PTPA: variants seen among roughly 807,000 people sequenced by gnomAD.
The protein encoded by PTPA is serine/threonine-protein phosphatase 2A activator.
PTPA carries 13 observed loss-of-function variants against 43.6 expected under a neutral mutation model. That is an observed-to-expected ratio of 0.30 (90% CI 0.19 to 0.47). The LOEUF (loss-of-function observed/expected upper bound fraction) is 0.47. Among genes scored for constraint, PTPA ranks in the 20% least tolerant of loss-of-function variants. The probability of loss-of-function intolerance (pLI) is 0.99; values close to 1 mark genes in which losing one functional copy is unlikely to be tolerated. For synonymous variants in PTPA, 172 were observed against 158.2 expected (o/e 1.09, Z -0.66); for missense variants, 329 against 411.9 (o/e 0.80, Z 1.74).
In PTPA at chr9:129,147,597, C is replaced by A; in HGVS notation, c.*133C>A. 1 of 990,062 alleles carries A rather than the reference C, an allele frequency of 1.0e-6. No homozygotes were observed. Among genetic ancestry groups the A allele is most frequent in the Non-Finnish European group, 1.5e-6 (1 of 668,264 alleles). The allele number at this position is 990,062 out of a possible 1,614,324, so 61.3% of individuals were successfully genotyped here. ...GAGGCTGTTTACTGGGGTGGGGTGG[C>A]GAGATGGGCTTGAGGGGGCTCAGAG... On this transcript the variant is annotated 3_prime_UTR_variant, in exon 10 of 10. Coordinates refer to ENST00000393370, the MANE Select transcript of PTPA (RefSeq NM_178000.3).
At chr9:129,142,408 G>A (rs774700009) in intron 8 of PTPA, 37 bp from the exon 9 acceptor site, 1 of 1,536,708 alleles carries the variant, frequency 6.5e-7, no homozygotes, top group South Asian at 1.3e-5. Context: ...CTCCCAGCCA[G>A]AACCTGTCTC....
rs377239286 is a variant in PTPA, at chr9:129,147,468, G to T, written c.*4G>T. ...CCATCCTGTCACGTCGGGCTAGGAG[G>T]GGCCAAGCCGAAGAGCCACCCAGGC... On this transcript the variant is annotated 3_prime_UTR_variant, in exon 10 of 10. Transcript: ENST00000393370. 23 of 1,613,362 alleles carry T rather than the reference G, an allele frequency of 1.4e-5. No individual in the cohort carries two copies. Among genetic ancestry groups the T allele is most frequent in the Middle Eastern group, 1.7e-4 (1 of 5,888 alleles).
Position 129,147,986 on chromosome 9 carries a change from TG to T in PTPA, c.*526del, listed in dbSNP as rs1365630408. 6.4e-4 allele frequency: 3 copies of T among 4,658 alleles called. No homozygotes were observed. In the East Asian group the frequency reaches 0.011, roughly 18 times the overall value. 0.3% of individuals were successfully genotyped at this position (4,658 alleles called of 1,614,324 possible). ...CTGAGGCTGGCCGCCAGCTGTGGGC[TG>T]GGGTGGGGTGGGTGGGGTCGGGTGG... On this transcript the variant is annotated 3_prime_UTR_variant, in exon 10 of 10. Coordinates refer to ENST00000393370, the MANE Select transcript of PTPA (RefSeq NM_178000.3).
intron 9 of PTPA, chr9:129,142,831 T>C: frequency 1.3e-6 from 2 of 1,532,292 alleles, no homozygotes; most frequent in Non-Finnish European, 1.7e-6. Flanking sequence ...GCATGGGGAG[T>C]GGGGGCGATG....
intron 6 of PTPA, among the ~76,000 whole-genome samples, chr9:129,135,664 G>C (rs772970378): frequency 9.2e-5 from 14 of 152,256 alleles, no homozygotes; most frequent in Non-Finnish European, 1.6e-4. Context: ...CACTGATGTG[G>C]ATCAGTTACC....
chr9:129,146,492 G>C (rs901127529), intron 9 of PTPA, among the ~76,000 whole-genome samples: 1 of 152,208 alleles, frequency 6.6e-6, no homozygotes, highest in African/African-American at 2.4e-5. Flanking sequence ...TACTCTCTCT[G>C]AGGCCATAAG....
intron 1 of PTPA, 74 bp from the exon 2 acceptor site, chr9:129,120,439 A>AG: frequency 2.2e-6 from 2 of 928,458 alleles, no homozygotes; most frequent in Non-Finnish European, 3.2e-6. Flanking sequence ...AAAAAAAAAA[A>AG]GGTGAAAGGG....
chr9:129,140,557 G>T lies in PTPA; in HGVS notation c.787-1888G>T, dbSNP rs1203136820. 2.0e-5 allele frequency among the ~76,000 whole-genome samples: 3 copies of T among 152,222 alleles called. No individual in the cohort carries two copies. The East Asian group carries it at 5.8e-4, about 29-fold the overall frequency. ...TCTTTGGCCCTGGTAGGCGAGGCTGGCCAGGAGGCAGGGGCTCTTGTCTTC... is the reference window on the plus strand; with the variant it reads ...TCTTTGGCCCTGGTAGGCGAGGCTGTCCAGGAGGCAGGGGCTCTTGTCTTC... On this transcript the variant is annotated intron_variant, in intron 8 of 9. Coordinates refer to ENST00000393370, the MANE Select transcript of PTPA (RefSeq NM_178000.3).
intron 3 of PTPA, among the ~76,000 whole-genome samples, chr9:129,124,871 A>G (rs956372820): frequency 1.3e-5 from 2 of 152,174 alleles, no homozygotes; most frequent in Admixed American, 1.3e-4. Flanking sequence ...CCTCACCCTC[A>G]TACCCGGCCC....
chr9:129,112,846 CAGG>C (rs1457848970), intron 1 of PTPA, among the ~76,000 whole-genome samples: 1 of 151,998 alleles, frequency 6.6e-6, no homozygotes, highest in Non-Finnish European at 1.5e-5. Context: ...GAGGATGAGG[CAGG>C]AGAATCGCTT....
intron 8 of PTPA, among the ~76,000 whole-genome samples, chr9:129,138,286 C>T (rs1185574556): frequency 1.3e-5 from 2 of 152,170 alleles, no homozygotes; most frequent in African/African-American, 4.8e-5. Context: ...CTCACCAAGG[C>T]AGGATTCCTT....
At chr9:129,147,109 T>G (rs941412797) in intron 9 of PTPA, among the ~76,000 whole-genome samples, 1 of 152,140 alleles carries the variant, frequency 6.6e-6, no homozygotes, top group Non-Finnish European at 1.5e-5. Context: ...AACTTCCCTC[T>G]CTGGGCCAAG....
chr9:129,118,522 C>T (rs530614062), intron 1 of PTPA, among the ~76,000 whole-genome samples: 38 of 152,124 alleles, frequency 2.5e-4, no homozygotes, highest in African/African-American at 8.7e-4. Flanking sequence ...TATAGGCATG[C>T]GCCACCACAC....
chr9:129,142,335 CGTTTGTGTGT>C, intron 8 of PTPA, 100 bp from the exon 9 acceptor site: 2 of 833,806 alleles, frequency 2.4e-6, no homozygotes, highest in Non-Finnish European at 3.6e-6. Context: ...TGTGCGTGTG[CGTTTGTGTGT>C]GTGTGTGTGT....
intron 1 of PTPA, among the ~76,000 whole-genome samples, chr9:129,115,797 G>A (rs1195438368): frequency 1.1e-4 from 16 of 151,212 alleles, no homozygotes; most frequent in Admixed American, 1.1e-3. Context: ...CCACCACCAC[G>A]CCTGGCTAAT....
chr9:129,132,285 A>C (rs1031838473), intron 5 of PTPA, among the ~76,000 whole-genome samples: 1 of 152,140 alleles, frequency 6.6e-6, no homozygotes, highest in Non-Finnish European at 1.5e-5. Context: ...GCAACGTAGC[A>C]AGACTCCATC....
intron 1 of PTPA, among the ~76,000 whole-genome samples, chr9:129,117,009 T>G (rs1848920898): frequency 6.6e-6 from 1 of 152,138 alleles, no homozygotes; most frequent in Admixed American, 6.6e-5. Context: ...TTCCATTATG[T>G]GGGCATATAA....
At chr9:129,110,995 C>A (rs1466389788), upstream of PTPA, 1 of 1,371,322 alleles carries the variant, frequency 7.3e-7, no homozygotes, top group African/African-American at 1.5e-5. The surrounding 1 kb of genome is among the most constrained non-coding windows in gnomAD (Gnocchi z 5.3). Flanking sequence ...GTCCAGCTGT[C>A]TCTCCCCTGT....
chr9:129,123,572 A>G (rs1047670479), intron 3 of PTPA, among the ~76,000 whole-genome samples: 3 of 152,174 alleles, frequency 2.0e-5, no homozygotes, highest in Non-Finnish European at 4.4e-5. Flanking sequence ...TCACATTTTC[A>G]TATCTATATT....
Sources: gnomAD v4.1 joint callset for allele counts (sites outside exome capture counted in the v4.1 genomes callset) on GRCh38, gnomAD v4.1.1 for gene constraint, Gnocchi (gnomAD v3.1) non-coding constraint, MANE v1.5 for transcripts, NCBI Gene and HGNC (gene_info 2026-07-23, HGNC 2026-07-21) for gene names.